Variants in GPC6 observed in about 807,000 individuals in gnomAD.
GPC6 encodes glypican-6.
GPC6 carries 14 observed loss-of-function variants against 55.2 expected under a neutral mutation model. The observed-to-expected ratio is 0.25, with a 90% CI of 0.17 to 0.40. The LOEUF (loss-of-function observed/expected upper bound fraction) is 0.40. GPC6 is among the 10% of genes least tolerant of loss of function. GPC6 has a pLI of 1.00. For synonymous variants in GPC6, 278 were observed against 259.6 expected (o/e 1.07, Z -0.68); for missense variants, 641 against 708.5 (o/e 0.90, Z 1.08).
chr13:94,055,689 C>G (rs1884107006), intron 4 of GPC6, among the ~76,000 whole-genome samples: 1 of 152,070 alleles, frequency 6.6e-6, no homozygotes, highest in Non-Finnish European at 1.5e-5. Flanking sequence ...AAAGTTTTTG[C>G]AACCTGGAAT....
chr13:93,813,478 C>G lies in GPC6; in HGVS notation c.320-16676C>G, dbSNP rs547845434. 1.7e-3 allele frequency among the ~76,000 whole-genome samples: 253 copies of G among 152,162 alleles called. 2 individuals are homozygous for G. Among genetic ancestry groups the G allele is most frequent in the African/African-American group, 5.5e-3 (230 of 41,506 alleles). On this transcript the variant is annotated intron_variant, in intron 2 of 8. Coordinates refer to ENST00000377047, the MANE Select transcript of GPC6 (RefSeq NM_005708.5). Reference sequence around the variant, plus strand: ...GAATTTGCTTTAGATGTTTTTCCAGCTGCGATATTGAAATGAAATAGCAAA... The same window carrying G: ...GAATTTGCTTTAGATGTTTTTCCAGGTGCGATATTGAAATGAAATAGCAAA...
rs575419317 is a variant in GPC6 at position 94,210,620 on chromosome 13, G to A, written c.878-75729G>A. Among the ~76,000 whole-genome samples the A allele has an allele frequency of 3.5e-4, 54 of 152,230 alleles. 1 individual carries two copies. The South Asian group carries it at 0.011, about 30-fold the overall frequency. On this transcript the variant is annotated intron_variant, in intron 4 of 8. Coordinates refer to ENST00000377047, the MANE Select transcript of GPC6 (RefSeq NM_005708.5). ...TAAATTAGAATTTGTTTAAAACACA[G>A]AGTTAAACACTGTGAGAGCAGAAAT...
At chr13:94,338,986 C>T (rs755981300) in intron 6 of GPC6, among the ~76,000 whole-genome samples, 7 of 152,098 alleles carry the variant, frequency 4.6e-5, no homozygotes, top group Non-Finnish European at 7.4e-5. Flanking sequence ...AGCCATTGAC[C>T]TAGCTGGGTA....
At chr13:93,453,977 G>A (rs922860592) in intron 1 of GPC6, among the ~76,000 whole-genome samples, 10 of 152,132 alleles carry the variant, frequency 6.6e-5, no homozygotes, top group Admixed American at 3.9e-4. Flanking sequence ...GAGCGGAGTG[G>A]TCTGTTTTGA....
At chr13:93,317,993 T>C (rs1218261856) in intron 1 of GPC6, among the ~76,000 whole-genome samples, 1 of 152,190 alleles carries the variant, frequency 6.6e-6, no homozygotes, top group Non-Finnish European at 1.5e-5. Context: ...TCTTGTCCCG[T>C]CAAACATACC....
chr13:93,784,378 T>C, intron 2 of GPC6, among the ~76,000 whole-genome samples: 1 of 152,130 alleles, frequency 6.6e-6, no homozygotes, highest in East Asian at 1.9e-4. Context: ...TCCAAACAAT[T>C]CTACAGTACT....
chr13:93,832,847 T>C (rs1428807480), intron 3 of GPC6, among the ~76,000 whole-genome samples: 1 of 152,138 alleles, frequency 6.6e-6, no homozygotes, highest in African/African-American at 2.4e-5. Flanking sequence ...CTGTATTCTC[T>C]CTCCCACTGA....
chr13:94,323,416 A>C (rs1293315569), intron 6 of GPC6, among the ~76,000 whole-genome samples: 1 of 152,184 alleles, frequency 6.6e-6, no homozygotes, highest in African/African-American at 2.4e-5. Context: ...GATATTCTTA[A>C]CACCAGTGAT....
At chr13:94,128,368 G>C (rs572874366) in intron 4 of GPC6, among the ~76,000 whole-genome samples, 1 of 152,144 alleles carries the variant, frequency 6.6e-6, no homozygotes, top group African/African-American at 2.4e-5. Context: ...ATAGATCACT[G>C]TATCTGTCAG....
chr13:94,376,774 A>G (rs1490677980), intron 6 of GPC6, among the ~76,000 whole-genome samples: 2 of 152,006 alleles, frequency 1.3e-5, no homozygotes, highest in African/African-American at 4.8e-5. Flanking sequence ...AAAGCTGGAG[A>G]CATCACACTA....
At chr13:93,228,105 C>T (rs556032509) in intron 1 of GPC6, among the ~76,000 whole-genome samples, 1 of 152,276 alleles carries the variant, frequency 6.6e-6, no homozygotes, top group Admixed American at 6.5e-5. Flanking sequence ...GGAGGGCTCC[C>T]CCAGCCCCTC....
chr13:93,228,402 A>G (rs1472799591), intron 1 of GPC6, among the ~76,000 whole-genome samples: 3 of 152,108 alleles, frequency 2.0e-5, no homozygotes, highest in Admixed American at 1.3e-4. Flanking sequence ...CGGGTGGCTC[A>G]GCTGGGGATT....
chr13:94,273,228 T>C (rs1034403330), intron 4 of GPC6, among the ~76,000 whole-genome samples: 1 of 152,158 alleles, frequency 6.6e-6, no homozygotes, highest in African/African-American at 2.4e-5. Context: ...CTGTGGCTGG[T>C]GGCACCAAGC....
At chr13:93,494,189 T>G (rs1328271176) in intron 1 of GPC6, among the ~76,000 whole-genome samples, 1 of 119,938 alleles carries the variant, frequency 8.3e-6, no homozygotes, top group Admixed American at 8.9e-5. Context: ...AGGACTTGCT[T>G]TATGAATCTG....
At chr13:93,631,755 C>G (rs1276887303) in intron 2 of GPC6, among the ~76,000 whole-genome samples, 1 of 152,208 alleles carries the variant, frequency 6.6e-6, no homozygotes, top group African/African-American at 2.4e-5. Flanking sequence ...TTCCCCATGG[C>G]ATCTAGCATA....
intron 1 of GPC6, among the ~76,000 whole-genome samples, chr13:93,341,168 A>T (rs572833820): frequency 2.4e-4 from 37 of 152,276 alleles, no homozygotes; most frequent in Admixed American, 2.3e-3. Context: ...ATGGGCTTTT[A>T]GATTGGTTCC....
At chr13:93,337,114 G>GTA (rs1880073346) in intron 1 of GPC6, among the ~76,000 whole-genome samples, 2 of 152,118 alleles carry the variant, frequency 1.3e-5, no homozygotes, top group South Asian at 4.1e-4. Context: ...GCCATTAATG[G>GTA]TAAAATTCTT....
intron 4 of GPC6, among the ~76,000 whole-genome samples, chr13:94,176,486 A>T (rs1888775865): frequency 6.6e-6 from 1 of 152,164 alleles, no homozygotes; most frequent in South Asian, 2.1e-4. Flanking sequence ...CTCATTCACC[A>T]TTCCAACTTC....
chr13:93,983,621 G>A (rs374592825), intron 3 of GPC6, among the ~76,000 whole-genome samples: 1 of 151,948 alleles, frequency 6.6e-6, no homozygotes, highest in African/African-American at 2.4e-5. Context: ...TTAATTAGTA[G>A]CAAAGGCATT....
Sources: allele counts gnomAD v4.1 joint callset (sites outside exome capture counted in the v4.1 genomes callset), GRCh38; gene constraint gnomAD v4.1.1; transcripts MANE v1.5; gene names NCBI Gene and HGNC (gene_info 2026-07-23, HGNC 2026-07-21).